Variants in SLC8A1 observed in about 807,000 individuals in gnomAD.
SLC8A1 encodes the protein sodium/calcium exchanger 1.
Under a neutral mutation model 68.3 loss-of-function variants are expected in SLC8A1, and 18 were observed. The observed-to-expected ratio is 0.26, with a 90% CI of 0.18 to 0.39. SLC8A1 has a LOEUF of 0.39. SLC8A1 is among the 10% of genes least tolerant of loss of function. SLC8A1 has a pLI of 1.00. For missense variants in SLC8A1, 985 were observed against 1,156.7 expected (o/e 0.85, Z 2.15); for synonymous variants, 475 against 415.5 (o/e 1.14, Z -1.74).
At chr2:40,313,387 G>C (rs186790946) in intron 2 of SLC8A1, among the ~76,000 whole-genome samples, 3 of 152,066 alleles carry the variant, frequency 2.0e-5, no homozygotes, top group Admixed American at 1.3e-4. Context: ...ACAAGTCTTT[G>C]TATAGCTATA....
At chr2:40,102,360 T>TG (rs2033944495) in exon 8 of SLC8A1, 1 of 95,352 alleles carries the variant, frequency 1.0e-5, no homozygotes, top group South Asian at 3.7e-4. Flanking sequence ...TTTGCTGACT[T>TG]GGTTTTTTTT....
At chr2:40,322,006 T>C (rs1340456533) in intron 2 of SLC8A1, among the ~76,000 whole-genome samples, 1 of 152,150 alleles carries the variant, frequency 6.6e-6, no homozygotes, top group Non-Finnish European at 1.5e-5. Flanking sequence ...TCTAAGCAAA[T>C]GGAAAGGCCT....
At chr2:40,381,955 C>T (rs1428319005) in intron 2 of SLC8A1, among the ~76,000 whole-genome samples, 1 of 151,980 alleles carries the variant, frequency 6.6e-6, no homozygotes, top group African/African-American at 2.4e-5. Context: ...TTTAGTCAGT[C>T]AGGAGGATGG....
chr2:40,221,686 C>T (rs531294640), intron 2 of SLC8A1, among the ~76,000 whole-genome samples: 1 of 152,178 alleles, frequency 6.6e-6, no homozygotes, highest in African/African-American at 2.4e-5. Context: ...TCTCTGGATA[C>T]AAAATCAATG....
intron 2 of SLC8A1, among the ~76,000 whole-genome samples, chr2:40,195,411 A>C (rs1425971088): frequency 6.6e-6 from 1 of 151,974 alleles, no homozygotes; most frequent in Admixed American, 6.6e-5. Context: ...GCTTAAGGTC[A>C]CGGTGGAGTG....
chr2:40,482,831 C>T (rs1359529371), intron 1 of SLC8A1, among the ~76,000 whole-genome samples: 1 of 147,464 alleles, frequency 6.8e-6, no homozygotes, highest in African/African-American at 2.5e-5. Context: ...CGCTCTGTAG[C>T]CCAGGTTGGA....
chr2:40,388,002 C>T (rs1684130236), intron 2 of SLC8A1, among the ~76,000 whole-genome samples: 1 of 150,316 alleles, frequency 6.7e-6, no homozygotes, highest in Non-Finnish European at 1.5e-5. Context: ...ATCTCTCATA[C>T]CAGTTAATCA....
At chr2:40,312,520 G>C (rs552401349) in intron 2 of SLC8A1, among the ~76,000 whole-genome samples, 11 of 151,770 alleles carry the variant, frequency 7.2e-5, no homozygotes, top group African/African-American at 1.2e-4. Flanking sequence ...AAGTATAAAG[G>C]GTTTTAGATA....
At chr2:40,148,441 A>C (rs1309204388) in intron 6 of SLC8A1, among the ~76,000 whole-genome samples, 1 of 152,172 alleles carries the variant, frequency 6.6e-6, no homozygotes, top group Non-Finnish European at 1.5e-5. Context: ...CTCTGTTCTG[A>C]ACATAGGGTT....
intron 2 of SLC8A1, among the ~76,000 whole-genome samples, chr2:40,373,372 T>A (rs1678779916): frequency 6.6e-6 from 1 of 152,100 alleles, no homozygotes; most frequent in Non-Finnish European, 1.5e-5. Context: ...ATCACAGTTG[T>A]GATTAAATCT....
chr2:40,273,560 T>G (rs2149147466), intron 2 of SLC8A1, among the ~76,000 whole-genome samples: 1 of 152,312 alleles, frequency 6.6e-6, no homozygotes, highest in South Asian at 2.1e-4. Flanking sequence ...ACAACCAGTA[T>G]GGAAAGCCCC....
intron 2 of SLC8A1, among the ~76,000 whole-genome samples, chr2:40,301,209 T>C (rs988030227): frequency 2.0e-4 from 30 of 152,220 alleles, no homozygotes; most frequent in Non-Finnish European, 3.1e-4. Context: ...TGCTAAGTGC[T>C]CTATATGTAT....
chr2:40,214,372 C>T (rs2057114675), intron 2 of SLC8A1, among the ~76,000 whole-genome samples: 1 of 151,786 alleles, frequency 6.6e-6, no homozygotes, highest in Admixed American at 6.6e-5. Flanking sequence ...TATCTGCTGT[C>T]TTTTATGCTT....
intron 2 of SLC8A1, among the ~76,000 whole-genome samples, chr2:40,419,536 C>T (rs868594352): frequency 6.6e-6 from 1 of 152,090 alleles, no homozygotes; most frequent in African/African-American, 2.4e-5. Flanking sequence ...CCACCTCCTT[C>T]TCTGCCTCCC....
At chr2:40,235,753 C>G in intron 2 of SLC8A1, among the ~76,000 whole-genome samples, 1 of 149,828 alleles carries the variant, frequency 6.7e-6, no homozygotes, top group Non-Finnish European at 1.5e-5. Context: ...ATAAATTTCC[C>G]TCTACACACT....
intron 2 of SLC8A1, among the ~76,000 whole-genome samples, chr2:40,358,404 T>C (rs1409711594): frequency 6.6e-6 from 1 of 152,158 alleles, no homozygotes; most frequent in Non-Finnish European, 1.5e-5. Flanking sequence ...AACAGTACTA[T>C]CGTTTCAGGT....
chr2:40,471,335 T>G (rs1028389611), intron 1 of SLC8A1, among the ~76,000 whole-genome samples: 4 of 152,134 alleles, frequency 2.6e-5, no homozygotes, highest in African/African-American at 9.7e-5. Flanking sequence ...CTGCATTTCC[T>G]TCTTTTCTAC....
chr2:40,510,965 G>C (rs934850768), intron 1 of SLC8A1, among the ~76,000 whole-genome samples: 2 of 152,102 alleles, frequency 1.3e-5, no homozygotes, highest in Admixed American at 1.3e-4. Context: ...CACCACATAA[G>C]TAGTCATTTC....
At chr2:40,277,794 G>GTATATATATATATATATATATATA (rs56145701) in intron 2 of SLC8A1, among the ~76,000 whole-genome samples, 3 of 108,018 alleles carry the variant, frequency 2.8e-5, no homozygotes, top group East Asian at 3.6e-4. Flanking sequence ...ATATATGTGT[G>GTATATATATATATATATATATATA]TATATATATA....
Sources: allele counts gnomAD v4.1 joint callset (sites outside exome capture counted in the v4.1 genomes callset), GRCh38; gene constraint gnomAD v4.1.1; transcripts MANE v1.5; gene names NCBI Gene and HGNC (gene_info 2026-07-23, HGNC 2026-07-21).